Variants in PFKP observed in about 807,000 individuals in gnomAD.
PFKP encodes the protein phosphofructokinase, platelet.
PFKP carries 101 observed loss-of-function variants against 94.3 expected under a neutral mutation model. The observed-to-expected ratio is 1.07, with a 90% CI of 0.91 to 1.26. The LOEUF (loss-of-function observed/expected upper bound fraction) is 1.26. Among genes scored for constraint, PFKP ranks in the 50% most tolerant of loss-of-function variants. PFKP has a pLI of 0.00. For synonymous variants in PFKP, 573 were observed against 432.6 expected, an observed-to-expected ratio of 1.32 and a Z score of -4.03; for missense variants, 1,145 against 1,103.3, an observed-to-expected ratio of 1.04 and a Z score of -0.53.
At chr10:3,118,047 C>G (rs1464310956) in intron 14 of PFKP, among the ~76,000 whole-genome samples, 3 of 152,180 alleles carry the variant, frequency 2.0e-5, no homozygotes, top group Non-Finnish European at 4.4e-5. Context: ...TGGTGTTGCA[C>G]TTGTTAGCCC....
At chr10:3,082,356 T>C in intron 1 of PFKP, 32 bp from the exon 2 acceptor site, 2 of 1,568,422 alleles carry the variant, frequency 1.3e-6, no homozygotes, top group East Asian at 2.3e-5. Flanking sequence ...CCCCGGGCTC[T>C]TCAGTGACTC....
intron 16 of PFKP, among the ~76,000 whole-genome samples, chr10:3,123,093 G>T (rs1462522586): frequency 6.6e-6 from 1 of 152,150 alleles, no homozygotes; most frequent in African/African-American, 2.4e-5. Flanking sequence ...CAGAATCTAT[G>T]CGGTGCTGGT....
At chr10:3,112,166 C>A in intron 10 of PFKP, 56 bp from the exon 11 acceptor site, 3 of 1,405,894 alleles carry the variant, frequency 2.1e-6, no homozygotes, top group Non-Finnish European at 3.0e-6. Flanking sequence ...CCTACCCCAT[C>A]CATGATGCAC....
At chr10:3,103,223 C>T (rs72778583) in intron 4 of PFKP, among the ~76,000 whole-genome samples, 2 of 152,214 alleles carry the variant, frequency 1.3e-5, no homozygotes, top group South Asian at 4.1e-4. Flanking sequence ...TGGATCCTTT[C>T]TTTTATTTTT....
At chr10:3,081,783 T>C (rs1181053296) in intron 1 of PFKP, among the ~76,000 whole-genome samples, 1 of 152,180 alleles carries the variant, frequency 6.6e-6, no homozygotes, top group East Asian at 1.9e-4. Context: ...TAAATAGACA[T>C]GATACATTGT....
chr10:3,084,405 C>T (rs1014819230), intron 2 of PFKP, among the ~76,000 whole-genome samples: 8 of 152,048 alleles, frequency 5.3e-5, no homozygotes, highest in Non-Finnish European at 1.0e-4. Flanking sequence ...TCTGTGTATC[C>T]ATTTGTTTAT....
At chr10:3,119,450 T>C (rs35755098) in intron 15 of PFKP, among the ~76,000 whole-genome samples, 9,358 of 151,266 alleles carry the variant, frequency 0.062, 457 homozygotes, top group East Asian at 0.21. Flanking sequence ...TACTAAAATA[T>C]AAAAATTAGC....
intron 19 of PFKP, 111 bp downstream of exon 19, chr10:3,133,425 T>C (rs1838839077): frequency 5.2e-6 from 4 of 767,540 alleles, no homozygotes; most frequent in African/African-American, 1.7e-5. Flanking sequence ...AATTCCAAGA[T>C]GATAAAAAAC....
chr10:3,067,746 G>A, intron 1 of PFKP, 39 bp downstream of exon 1: 1 of 1,157,152 alleles, frequency 8.6e-7, no homozygotes, highest in Non-Finnish European at 1.2e-6. Context: ...AGGGACGGAC[G>A]GACGGAGCTG....
chr10:3,112,292 G>C lies in PFKP; in HGVS notation c.1154+6G>C, dbSNP rs756826087. On this transcript the variant is annotated splice_donor_region_variant and intron_variant, in intron 11 of 21. Transcript: ENST00000381125. ...GCGGTTCGACTCCGAGGGAGGTGAG[G>C]TGCTTTGGAGAAAGCTCTGCCCTGT... The C allele has an allele frequency of 2.5e-6, 4 of 1,610,782 alleles. No homozygotes were observed. In the South Asian group the frequency reaches 4.4e-5, roughly 18 times the overall value.
At chr10:3,105,958 A>C (rs573900754) in intron 7 of PFKP, among the ~76,000 whole-genome samples, 2 of 152,310 alleles carry the variant, frequency 1.3e-5, no homozygotes, top group Admixed American at 6.5e-5. Flanking sequence ...TGAGCATAGG[A>C]AGGACGACGG....
chr10:3,107,556 A>G (rs7342021), intron 8 of PFKP, among the ~76,000 whole-genome samples: 14,705 of 152,266 alleles, frequency 0.097, 920 homozygotes, highest in South Asian at 0.23. Context: ...CAGCAGACAG[A>G]GGGGGTCAGC....
At chr10:3,128,101 G>GGACA (rs1452230782) in intron 16 of PFKP, among the ~76,000 whole-genome samples, 2 of 152,096 alleles carry the variant, frequency 1.3e-5, no homozygotes, top group African/African-American at 2.4e-5. Flanking sequence ...TGACCAGGAC[G>GGACA]GACGGACGGC....
chr10:3,112,303 A>G lies in PFKP; in HGVS notation c.1154+17A>G, dbSNP rs1463242710. The G allele has an allele frequency of 1.2e-6, 2 of 1,604,780 alleles. No homozygotes were observed. The highest frequency in any genetic ancestry group is 1.7e-6 in the Non-Finnish European group (2 of 1,171,564). On this transcript the variant is annotated intron_variant, in intron 11 of 21. Transcript: ENST00000381125. Reference sequence around the variant, plus strand: ...CCGAGGGAGGTGAGGTGCTTTGGAGAAAGCTCTGCCCTGTCAGGAACACAC... The same window carrying G: ...CCGAGGGAGGTGAGGTGCTTTGGAGGAAGCTCTGCCCTGTCAGGAACACAC...
At chr10:3,117,254 C>T (rs1268119243) in intron 14 of PFKP, among the ~76,000 whole-genome samples, 1 of 152,130 alleles carries the variant, frequency 6.6e-6, no homozygotes, top group Non-Finnish European at 1.5e-5. Flanking sequence ...GCAGCTGTGA[C>T]TCGAGGCTCA....
chr10:3,113,243 GGCCTCT>G (rs1313966795), intron 12 of PFKP, 55 bp downstream of exon 12: 42 of 1,586,570 alleles, frequency 2.6e-5, no homozygotes, highest in Middle Eastern at 1.7e-4. Context: ...CTCCCCTCAT[GGCCTCT>G]GCCTCAGTGA....
chr10:3,118,269 C>A (rs989457198), intron 14 of PFKP, among the ~76,000 whole-genome samples: 1 of 152,076 alleles, frequency 6.6e-6, no homozygotes, highest in African/African-American at 2.4e-5. Flanking sequence ...GAGATGGAGA[C>A]CATCCTGGCC....
Position 3,114,054 on chromosome 10 carries a change from C to T in PFKP, c.1371+536C>T, listed in dbSNP as rs551837478. 4.9e-3 allele frequency among the ~76,000 whole-genome samples: 341 copies of T among 69,294 alleles called. 3 individuals are homozygous for T. Among genetic ancestry groups the T allele is most frequent in the African/African-American group, 0.013 (304 of 23,890 alleles). The allele number at this position is 69,294 out of a possible 152,430, so 45.5% of individuals were successfully genotyped here. On this transcript the variant is annotated intron_variant, in intron 13 of 21. Transcript: ENST00000381125. ...AAACCGAGGCATAGGGCTGGGTGCA[C>T]GAGGGAGGACTGGAAACAGGATTCT...
In PFKP at chr10:3,079,168, T is replaced by C. The variant is rs534214453; in HGVS notation, c.113-3220T>C. On this transcript the variant is annotated intron_variant, in intron 1 of 21. Transcript: ENST00000381125. ...GAGAATCCAGCAGGGACTTCAGCGA[T>C]TGAGTTTAGTGCTGGGGTGCATTTT... Among the ~76,000 whole-genome samples, 3 of 152,190 alleles carry C rather than the reference T, an allele frequency of 2.0e-5. No individual in the cohort carries two copies. In the South Asian group the frequency reaches 6.2e-4, roughly 32 times the overall value.
Sources: allele counts gnomAD v4.1 joint callset (sites outside exome capture counted in the v4.1 genomes callset), GRCh38; gene constraint gnomAD v4.1.1; transcripts MANE v1.5; gene names NCBI Gene and HGNC (gene_info 2026-07-23, HGNC 2026-07-21).